PLXNA4: variants seen among roughly 807,000 people sequenced by gnomAD.
PLXNA4 encodes plexin A4.
PLXNA4 carries 44 observed loss-of-function variants against 191.8 expected under a neutral mutation model. That is an observed-to-expected ratio of 0.23 (90% confidence interval 0.18 to 0.29). The LOEUF (loss-of-function observed/expected upper bound fraction) is 0.29. Among genes scored for constraint, PLXNA4 ranks in the 10% least tolerant of loss-of-function variants. The pLI is 1.00. For missense variants in PLXNA4, 1,800 were observed against 2,488.8 expected (o/e 0.72, Z 5.89); for synonymous variants, 1,082 against 1,009.5 (o/e 1.07, Z -1.36).
intron 4 of PLXNA4, among the ~76,000 whole-genome samples, chr7:132,250,485 T>C (rs973033935): frequency 1.3e-5 from 2 of 152,248 alleles, no homozygotes; most frequent in African/African-American, 4.8e-5. Flanking sequence ...TTCTGGATTA[T>C]TGCCACAGAT....
intron 3 of PLXNA4, among the ~76,000 whole-genome samples, chr7:132,309,725 C>A (rs768065320): frequency 2.0e-5 from 3 of 152,146 alleles, no homozygotes; most frequent in Non-Finnish European, 4.4e-5. Flanking sequence ...AAACTCCTGT[C>A]TAGCTGGAGG....
At chr7:132,647,306 CACAA>C (rs1441607501) in intron 1 of PLXNA4, among the ~76,000 whole-genome samples, 1 of 152,038 alleles carries the variant, frequency 6.6e-6, no homozygotes, top group East Asian at 1.9e-4. Context: ...GTCATACATT[CACAA>C]ACACCCACAT....
At chr7:132,447,257 C>G (rs995414411) in intron 3 of PLXNA4, among the ~76,000 whole-genome samples, 2 of 152,212 alleles carry the variant, frequency 1.3e-5, no homozygotes, top group African/African-American at 4.8e-5. Context: ...GCTCTCAGTG[C>G]TCTCACTGTG....
At position 132,127,041 on chromosome 7, in the gene PLXNA4, A is replaced by G. The variant is rs923308265; in HGVS notation, c.*3438T>C. 1 of 152,180 alleles carries G rather than the reference A, an allele frequency of 6.6e-6. No individual in the cohort carries two copies. The highest frequency in any genetic ancestry group is 1.5e-5 in the Non-Finnish European group (1 of 68,076). The allele number at this position is 152,180 out of a possible 1,614,324, so 9.4% of individuals were successfully genotyped here. On this transcript the variant is annotated 3_prime_UTR_variant, in exon 32 of 32. Coordinates refer to ENST00000321063, the MANE Select transcript of PLXNA4 (RefSeq NM_020911.2). ...CTGGGGGGACTTGTGGCCAGGAGAAATGACCAGCCTACCACTCTGTTTCTT... is the reference window on the plus strand; with the variant it reads ...CTGGGGGGACTTGTGGCCAGGAGAAGTGACCAGCCTACCACTCTGTTTCTT...
intron 3 of PLXNA4, among the ~76,000 whole-genome samples, chr7:132,370,855 A>G (rs1804408786): frequency 6.6e-6 from 1 of 152,154 alleles, no homozygotes; most frequent in African/African-American, 2.4e-5. Flanking sequence ...TGGGCATACC[A>G]CGTCCCAGGA....
intron 3 of PLXNA4, among the ~76,000 whole-genome samples, chr7:132,439,645 A>T (rs772569038): frequency 6.6e-6 from 1 of 152,192 alleles, no homozygotes; most frequent in African/African-American, 2.4e-5. Context: ...GAACCAAAAC[A>T]TTTGCAAACC....
At chr7:132,573,872 C>G (rs1053108140) in intron 1 of PLXNA4, among the ~76,000 whole-genome samples, 4 of 152,120 alleles carry the variant, frequency 2.6e-5, no homozygotes, top group African/African-American at 9.7e-5. Context: ...TGAAAAGAAG[C>G]ATTCATGGCT....
chr7:132,259,720 A>C (rs754662259), intron 4 of PLXNA4, among the ~76,000 whole-genome samples: 1 of 152,196 alleles, frequency 6.6e-6, no homozygotes, highest in Non-Finnish European at 1.5e-5. Context: ...TTGGAAGCGA[A>C]CAAGGTGCCC....
At chr7:132,447,253 A>G (rs1167215110) in intron 3 of PLXNA4, among the ~76,000 whole-genome samples, 1 of 152,164 alleles carries the variant, frequency 6.6e-6, no homozygotes, top group Non-Finnish European at 1.5e-5. Flanking sequence ...TCCTGCTCTC[A>G]GTGCTCTCAC....
chr7:132,427,914 C>T (rs1285137382), intron 3 of PLXNA4, among the ~76,000 whole-genome samples: 1 of 152,236 alleles, frequency 6.6e-6, no homozygotes, highest in African/African-American at 2.4e-5. Flanking sequence ...ATGGTGCGGA[C>T]ATGCAGGGAG....
At chr7:132,250,794 T>A (rs1022514561) in intron 4 of PLXNA4, among the ~76,000 whole-genome samples, 1 of 152,184 alleles carries the variant, frequency 6.6e-6, no homozygotes, top group Non-Finnish European at 1.5e-5. Flanking sequence ...ATTTTTCAGA[T>A]GAAGCTCAGT....
chr7:132,193,881 T>C (rs954847459), intron 14 of PLXNA4, among the ~76,000 whole-genome samples, 181 bp downstream of exon 14: 3 of 152,148 alleles, frequency 2.0e-5, no homozygotes, highest in African/African-American at 7.2e-5. Context: ...TGAATCCAGG[T>C]CTTCCAGACT....
chr7:132,480,031 T>A (rs941188166), intron 3 of PLXNA4, among the ~76,000 whole-genome samples: 12 of 152,054 alleles, frequency 7.9e-5, no homozygotes, highest in Admixed American at 6.6e-4. Context: ...CTCCCTAACC[T>A]CCCATTCAAT....
intron 2 of PLXNA4, among the ~76,000 whole-genome samples, chr7:132,635,170 TTATATATA>T (rs3037811): frequency 0.42 from 55,321 of 131,696 alleles, 11,864 homozygotes; most frequent in Admixed American, 0.47. Flanking sequence ...AAACTCCCCT[TTATATATA>T]TATATATATA....
intron 4 of PLXNA4, among the ~76,000 whole-genome samples, chr7:132,257,795 C>T (rs1799484296): frequency 6.6e-6 from 1 of 152,154 alleles, no homozygotes. Flanking sequence ...TTTACTAGGC[C>T]ATGTTTTCCG....
intron 24 of PLXNA4, among the ~76,000 whole-genome samples, chr7:132,160,521 TGTGGGCTCCTGG>T (rs1203239798): frequency 1.3e-5 from 2 of 152,194 alleles, no homozygotes; most frequent in Non-Finnish European, 2.9e-5. Flanking sequence ...GACGGCACCG[TGTGGGCTCCTGG>T]GTGGACTGGA....
chr7:132,441,659 A>G (rs189511717), intron 3 of PLXNA4, among the ~76,000 whole-genome samples: 4 of 152,194 alleles, frequency 2.6e-5, no homozygotes, highest in African/African-American at 7.2e-5. Context: ...TTCGGAGTCT[A>G]TTTCATGCCT....
At chr7:132,410,045 C>T (rs1051311547) in intron 3 of PLXNA4, among the ~76,000 whole-genome samples, 6 of 152,184 alleles carry the variant, frequency 3.9e-5, no homozygotes, top group African/African-American at 1.4e-4. Context: ...ACTGTAGTTG[C>T]CTGGGATAAC....
chr7:132,327,013 A>AGAGGGAAGAGAG (rs1802389022), intron 3 of PLXNA4, among the ~76,000 whole-genome samples: 4 of 99,390 alleles, frequency 4.0e-5, no homozygotes, highest in Non-Finnish European at 9.4e-5. Context: ...AGGAAGAAAA[A>AGAGGGAAGAGAG]GAGGGAAGAG....
Sources: gnomAD v4.1 joint callset for allele counts (sites outside exome capture counted in the v4.1 genomes callset) on GRCh38, gnomAD v4.1.1 for gene constraint, MANE v1.5 for transcripts, NCBI Gene and HGNC (gene_info 2026-07-23, HGNC 2026-07-21) for gene names.